The following TSHZ3 variants were observed in gnomAD, a reference collection of about 807,000 sequenced individuals.
TSHZ3 encodes teashirt zinc finger homeobox 3.
A neutral mutation model predicts 64.5 loss-of-function variants in TSHZ3; 10 were observed. The observed-to-expected ratio is 0.16, with a 90% CI of 0.10 to 0.26. The LOEUF (loss-of-function observed/expected upper bound fraction) is 0.26, where lower values mean the gene tolerates loss of function less well. Ranked by LOEUF, TSHZ3 falls within the 10% of genes least tolerant of loss-of-function variation. The pLI is 1.00. For missense variants in TSHZ3, 1,242 were observed against 1,421.7 expected, an observed-to-expected ratio of 0.87 and a Z score of 2.03; for synonymous variants, 608 against 593.1, an observed-to-expected ratio of 1.03 and a Z score of -0.36.
At chr19:31,267,555 A>T (rs1420677307) in intron 1 of TSHZ3, among the ~76,000 whole-genome samples, 3 of 146,528 alleles carry the variant, frequency 2.0e-5, no homozygotes, top group Admixed American at 2.0e-4. Flanking sequence ...CCCTGCCCCC[A>T]CTCCATCCAC....
At chr19:31,302,580 A>C (rs1007142107) in intron 1 of TSHZ3, among the ~76,000 whole-genome samples, 5 of 152,230 alleles carry the variant, frequency 3.3e-5, no homozygotes, top group Admixed American at 3.3e-4. Context: ...CATTCCAAAC[A>C]TACAGACATT....
Position 31,349,303 on chromosome 19 carries a change from G to C in TSHZ3, c.-84C>G, listed in dbSNP as rs980571932. ...GGAGGGAGGGGGCGGCGGGCCCGCGGGGGGGCGAGGCGGGCCTGCTCTCAG... is the reference window on the plus strand; with the variant it reads ...GGAGGGAGGGGGCGGCGGGCCCGCGCGGGGGCGAGGCGGGCCTGCTCTCAG... On this transcript the variant is annotated 5_prime_UTR_variant, in exon 1 of 2. Coordinates refer to ENST00000240587, the MANE Select transcript of TSHZ3 (RefSeq NM_020856.4). 1.4e-5 allele frequency: 19 copies of C among 1,387,606 alleles called. No homozygotes were observed. Among genetic ancestry groups the C allele is most frequent in the Admixed American group, 5.3e-5 (2 of 37,872 alleles). 86.0% of individuals were successfully genotyped at this position (1,387,606 alleles called of 1,614,324 possible).
At chr19:31,244,096 A>G (rs983578055) in intron 1 of TSHZ3, among the ~76,000 whole-genome samples, 6 of 152,176 alleles carry the variant, frequency 3.9e-5, no homozygotes, top group Admixed American at 6.5e-5. Flanking sequence ...GAAACTTTAT[A>G]TATAACAATG....
chr19:31,316,118 C>G (rs917759291), intron 1 of TSHZ3, among the ~76,000 whole-genome samples: 55 of 152,212 alleles, frequency 3.6e-4, no homozygotes, highest in African/African-American at 1.3e-3. Flanking sequence ...AAGTCTGACG[C>G]CCCTAAGAGA....
At chr19:31,191,015 T>A (rs2145137706) in intron 5 of TSHZ3, among the ~76,000 whole-genome samples, 2 of 152,056 alleles carry the variant, frequency 1.3e-5, no homozygotes, top group South Asian at 4.2e-4. Flanking sequence ...CCTGAAGCAG[T>A]AAGAAAGAAA....
At chr19:31,267,371 C>T (rs1313851188) in intron 1 of TSHZ3, among the ~76,000 whole-genome samples, 1 of 152,128 alleles carries the variant, frequency 6.6e-6, no homozygotes, top group African/African-American at 2.4e-5. Context: ...ACCATAGGAC[C>T]TCCATGTTCA....
At chr19:31,151,798 G>A (rs1974242892) in intron 6 of TSHZ3, among the ~76,000 whole-genome samples, 1 of 152,176 alleles carries the variant, frequency 6.6e-6, no homozygotes, top group Non-Finnish European at 1.5e-5. Context: ...AATTCAGGCT[G>A]AGACTGGCGT....
intron 6 of TSHZ3, among the ~76,000 whole-genome samples, chr19:31,153,197 T>G (rs940035476): frequency 2.0e-5 from 3 of 152,190 alleles, no homozygotes; most frequent in Non-Finnish European, 4.4e-5. Context: ...CATAAGATAC[T>G]GATGTATAAA....
chr19:31,261,763 T>C (rs1427866674), intron 1 of TSHZ3, among the ~76,000 whole-genome samples: 1 of 152,186 alleles, frequency 6.6e-6, no homozygotes, highest in Non-Finnish European at 1.5e-5. Flanking sequence ...ATTTTCTCTG[T>C]GTTCTTGTTC....
chr19:31,297,417 T>C (rs917598735), intron 1 of TSHZ3, among the ~76,000 whole-genome samples: 3 of 122,054 alleles, frequency 2.5e-5, no homozygotes, highest in African/African-American at 8.3e-5. Context: ...ATTCCCTTCC[T>C]GTCTCTTTTT....
Position 31,248,916 on chromosome 19 carries a change from G to A in TSHZ3, n.64-6041C>T, listed in dbSNP as rs73565113. 5.7e-3 allele frequency among the ~76,000 whole-genome samples: 870 copies of A among 152,162 alleles called. 10 individuals are homozygous for A. The highest frequency in any genetic ancestry group is 0.02 in the African/African-American group (840 of 41,512). On this transcript the variant is annotated intron_variant and non_coding_transcript_variant, in intron 1 of 6. Coordinates refer to the TSHZ3 transcript ENST00000651361. ...TTCAAAACCTTCATTTCTAAAACAG[G>A]ACTATTAATCCTAAATCAAAGGATG...
intron 1 of TSHZ3, among the ~76,000 whole-genome samples, chr19:31,306,797 C>G (rs897174037): frequency 6.6e-6 from 1 of 152,098 alleles, no homozygotes; most frequent in Non-Finnish European, 1.5e-5. Context: ...GAAAATGAAT[C>G]AGGATTATTA....
At position 31,209,595 on chromosome 19, in the gene TSHZ3, T is replaced by A. The variant is rs1975234469; in HGVS notation, n.687-4517A>T. On this transcript the variant is annotated intron_variant and non_coding_transcript_variant, in intron 4 of 6. Transcript: ENST00000651361. ...CACTGAGAAGGTGTTCAATAAGCAT[T>A]AATGATCTCATTATTGTCGTGTTCG... 4.6e-5 allele frequency among the ~76,000 whole-genome samples: 7 copies of A among 152,314 alleles called. No homozygotes were observed. The South Asian group carries it at 1.5e-3, about 32-fold the overall frequency.
chr19:31,151,967 A>G (rs982981862), intron 6 of TSHZ3, among the ~76,000 whole-genome samples: 13 of 152,240 alleles, frequency 8.5e-5, no homozygotes, highest in African/African-American at 3.1e-4. Flanking sequence ...AGTTAACTCC[A>G]TAACTTATTT....
intron 5 of TSHZ3, among the ~76,000 whole-genome samples, chr19:31,164,784 C>T (rs7257329): frequency 0.029 from 4,458 of 152,276 alleles, 152 homozygotes; most frequent in African/African-American, 0.081. Context: ...CTCCTTTCCC[C>T]CCTTTGTGGC....
At chr19:31,299,514 A>C (rs1483518933) in intron 1 of TSHZ3, among the ~76,000 whole-genome samples, 3 of 152,142 alleles carry the variant, frequency 2.0e-5, no homozygotes, top group Non-Finnish European at 4.4e-5. Context: ...ATTTAATCTG[A>C]AAATACAAAT....
At chr19:31,257,292 G>A (rs960975177) in intron 1 of TSHZ3, among the ~76,000 whole-genome samples, 1 of 152,222 alleles carries the variant, frequency 6.6e-6, no homozygotes, top group African/African-American at 2.4e-5. Context: ...CAGCCCCAGA[G>A]GGCTGGCCTG....
intron 1 of TSHZ3, among the ~76,000 whole-genome samples, chr19:31,330,241 C>G (rs1313532713): frequency 2.0e-5 from 3 of 152,108 alleles, no homozygotes; most frequent in African/African-American, 4.8e-5. Flanking sequence ...ACTCGCTAAA[C>G]TCTCAACAGC....
intron 5 of TSHZ3, among the ~76,000 whole-genome samples, chr19:31,201,747 T>G (rs1020633928): frequency 1.3e-5 from 2 of 152,096 alleles, no homozygotes; most frequent in African/African-American, 2.4e-5. Context: ...AGATGATGAT[T>G]TAAGAAATAA....
Sources: gnomAD v4.1 joint callset for allele counts (sites outside exome capture counted in the v4.1 genomes callset) on GRCh38, gnomAD v4.1.1 for gene constraint, MANE v1.5 for transcripts, NCBI Gene and HGNC (gene_info 2026-07-23, HGNC 2026-07-21) for gene names.